Variants in SBNO2 observed in about 807,000 individuals in gnomAD.
The protein encoded by SBNO2 is strawberry notch homolog 2.
SBNO2 carries 89 observed loss-of-function variants against 146.3 expected under a neutral mutation model. The ratio of observed to expected loss-of-function variants is 0.61; its 90% CI spans 0.51 to 0.73. The LOEUF is 0.73. Ranked by LOEUF, SBNO2 falls within the 30% of genes least tolerant of loss-of-function variation. SBNO2 has a pLI of 0.00. For missense variants in SBNO2, 2,092 were observed against 2,003.7 expected (o/e 1.04, Z -0.84); for synonymous variants, 1,147 against 892.6 (o/e 1.29, Z -5.08).
intron 11 of SBNO2, among the ~76,000 whole-genome samples, chr19:1,120,332 T>C (rs1180206642): frequency 6.6e-6 from 1 of 152,200 alleles, no homozygotes; most frequent in Non-Finnish European, 1.5e-5. Flanking sequence ...TCGCAGGACG[T>C]TGCCATCGGA....
At chr19:1,152,173 G>C (rs1181677344) in intron 2 of SBNO2, among the ~76,000 whole-genome samples, 2 of 152,202 alleles carry the variant, frequency 1.3e-5, no homozygotes, top group Non-Finnish European at 2.9e-5. Flanking sequence ...CCTGTGGCTG[G>C]TGTCCAGTGC....
Position 1,108,242 on chromosome 19 carries a change from G to A in SBNO2, c.4079C>T (p.Pro1360Leu), listed in dbSNP as rs1255569969. The A allele has an allele frequency of 3.3e-6, 5 of 1,527,042 alleles. No homozygotes were observed. The highest frequency in any genetic ancestry group is 4.4e-6 in the Non-Finnish European group (5 of 1,135,316). The allele number at this position is 1,527,042 out of a possible 1,614,324, so 94.6% of individuals were successfully genotyped here. The change falls in exon 32 of 32, where the codon CCC (proline) becomes CTC (leucine). Residue 1360 changes from proline to leucine, a missense_variant. Pro to Leu is a moderately conservative substitution (Grantham distance 98, BLOSUM62 -3). Coordinates refer to ENST00000361757, the MANE Select transcript of SBNO2 (RefSeq NM_014963.3). The stretch of plus-strand genomic sequence containing the variant: ...GTGTCAGAGAGGAGCCTGGGCGCCG[G>A]GGAAGGGTGGGCTGAACTGGATCAC... The part of the protein sequence containing the change: ...QSVIQFSPPF[P>L]GAQAPL
intron 4 of SBNO2, among the ~76,000 whole-genome samples, chr19:1,143,411 G>A (rs2080158238): frequency 6.6e-6 from 1 of 152,186 alleles, no homozygotes; most frequent in African/African-American, 2.4e-5. Flanking sequence ...GGTGGAGGCT[G>A]CAGTGAGCCG....
intron 1 of SBNO2, among the ~76,000 whole-genome samples, chr19:1,165,770 C>A (rs557178243): frequency 1.5e-5 from 2 of 134,984 alleles, no homozygotes; most frequent in East Asian, 4.5e-4. Context: ...GACCCCAGAT[C>A]TCAGACCCCA....
At chr19:1,142,803 C>G (rs962369458) in intron 4 of SBNO2, among the ~76,000 whole-genome samples, 1 of 152,144 alleles carries the variant, frequency 6.6e-6, no homozygotes, top group African/African-American at 2.4e-5. Flanking sequence ...CCCATCTCTA[C>G]TAAAAATATA....
At chr19:1,125,326 T>C (rs1196701964) in intron 5 of SBNO2, among the ~76,000 whole-genome samples, 1 of 128,790 alleles carries the variant, frequency 7.8e-6, no homozygotes, top group Non-Finnish European at 1.5e-5. Flanking sequence ...GCCATTGTAC[T>C]CCAGCCTGGG....
Position 1,154,186 on chromosome 19 carries a change from G to C in SBNO2, c.91C>G (p.Gln31Glu), listed in dbSNP as rs781264194. Residue 31 changes from glutamine to glutamate, a missense_variant and splice_region_variant, in exon 2 of 32, where the codon CAG (glutamine) becomes GAG (glutamate). Gln to Glu is a conservative substitution (Grantham distance 29, BLOSUM62 2). Coordinates refer to ENST00000361757, the MANE Select transcript of SBNO2 (RefSeq NM_014963.3). The stretch of plus-strand genomic sequence containing the variant: ...CCGGGGCCGGGGGTGGGGCTCACCT[G>C]CAGGGGCGGCGGGCTGTACAGGAGG... ...GSLLYSPPPL[Q>E]SAMLHCPYWN... 1 of 1,236,990 alleles carries C rather than the reference G, an allele frequency of 8.1e-7. No individual in the cohort carries two copies. Among genetic ancestry groups the C allele is most frequent in the Non-Finnish European group, 1.0e-6 (1 of 988,340 alleles). 76.6% of individuals were successfully genotyped at this position (1,236,990 alleles called of 1,614,324 possible).
Position 1,147,439 on chromosome 19 carries a change from G to GGGGGGT in SBNO2, c.168-20_168-19insACCCCC. 1 of 1,265,270 alleles carries GGGGGGT rather than the reference G, an allele frequency of 7.9e-7. No homozygotes were observed. The highest frequency in any genetic ancestry group is 1.1e-6 in the Non-Finnish European group (1 of 922,486). The allele number at this position is 1,265,270 out of a possible 1,614,324, so 78.4% of individuals were successfully genotyped here. ...GAACGGGCTGGAGGGAGATGGGGGG[G>GGGGGGT]GGGGAGGTGAGATGGGGTGCTCAAC... On this transcript the variant is annotated intron_variant, in intron 3 of 31. Coordinates refer to ENST00000361757, the MANE Select transcript of SBNO2 (RefSeq NM_014963.3).
intron 2 of SBNO2, among the ~76,000 whole-genome samples, chr19:1,151,303 C>T (rs1316738969): frequency 2.1e-5 from 3 of 146,030 alleles, no homozygotes; most frequent in African/African-American, 5.0e-5. Flanking sequence ...AGGAAGGGGG[C>T]GGGGGGCTTG....
chr19:1,128,029 T>C (rs1416078385), intron 4 of SBNO2, among the ~76,000 whole-genome samples: 2 of 152,158 alleles, frequency 1.3e-5, no homozygotes, highest in African/African-American at 4.8e-5. Context: ...TTGGCCAGCC[T>C]GGTTTTGAAC....
intron 2 of SBNO2, among the ~76,000 whole-genome samples, chr19:1,151,950 A>G (rs920491346): frequency 3.3e-5 from 5 of 152,118 alleles, no homozygotes; most frequent in African/African-American, 9.7e-5. Context: ...GGCGTGAACC[A>G]TTGTGCTGGC....
In SBNO2 at chr19:1,134,255, C is replaced by T. The variant is rs566231905; in HGVS notation, c.280-6490G>A. On this transcript the variant is annotated intron_variant, in intron 4 of 31. Coordinates refer to ENST00000361757, the MANE Select transcript of SBNO2 (RefSeq NM_014963.3). ...CTACAGCTCACGGGTGGACTCACAGCTCATAGGCACCTGGACCCACAGCTC... is the reference window on the plus strand; with the variant it reads ...CTACAGCTCACGGGTGGACTCACAGTTCATAGGCACCTGGACCCACAGCTC... 2.6e-5 allele frequency among the ~76,000 whole-genome samples: 4 copies of T among 151,758 alleles called. No individual in the cohort carries two copies. The South Asian group carries it at 8.3e-4, about 32-fold the overall frequency.
intron 4 of SBNO2, chr19:1,132,409 G>C (rs1229194526): frequency 3.3e-6 from 2 of 601,998 alleles, no homozygotes; most frequent in Non-Finnish European, 4.2e-6. Flanking sequence ...TCTCCCACAG[G>C]CGCTGTCAAC....
chr19:1,123,550 G>A lies in SBNO2; in HGVS notation c.612C>T (p.Asp204=). Residue 204 remains aspartate, a synonymous_variant, in exon 7 of 32, where the codon GAC becomes GAT. Coordinates refer to ENST00000361757, the MANE Select transcript of SBNO2 (RefSeq NM_014963.3). The stretch of plus-strand genomic sequence containing the variant: ...GCCACTCACACTTGGACGGCACGTA[G>A]TCGGCGTAGGTCTCTGTGTGCCCCA... ...EELGHTETYA[D]YVPSKSKIGK... The A allele has an allele frequency of 6.2e-7, 1 of 1,613,496 alleles. No individual in the cohort carries two copies. The highest frequency in any genetic ancestry group is 8.5e-7 in the Non-Finnish European group (1 of 1,179,786).
At chr19:1,152,089 G>T (rs2080247577) in intron 2 of SBNO2, among the ~76,000 whole-genome samples, 2 of 152,222 alleles carry the variant, frequency 1.3e-5, no homozygotes, top group African/African-American at 4.8e-5. Flanking sequence ...CCGGAACAGG[G>T]AGGGTGGGAT....
intron 4 of SBNO2, among the ~76,000 whole-genome samples, chr19:1,143,650 C>T (rs182884758): frequency 8.5e-5 from 13 of 152,252 alleles, no homozygotes; most frequent in Admixed American, 8.5e-4. Context: ...GGCTTGGGGC[C>T]CCTTCTTCCC....
At chr19:1,124,246 T>C (rs563320124) in intron 5 of SBNO2, among the ~76,000 whole-genome samples, 45 of 152,290 alleles carry the variant, frequency 3.0e-4, no homozygotes, top group Middle Eastern at 6.8e-3. Context: ...GGCTCGCTCC[T>C]CCTGGCCAGC....
intron 2 of SBNO2, among the ~76,000 whole-genome samples, chr19:1,153,297 G>A (rs901431385): frequency 1.3e-5 from 2 of 150,616 alleles, no homozygotes; most frequent in African/African-American, 2.4e-5. Flanking sequence ...GAGTGCAGTG[G>A]TGCAATCTCT....
chr19:1,127,947 G>A (rs2079985657), intron 4 of SBNO2, among the ~76,000 whole-genome samples, 182 bp from the exon 5 acceptor site: 1 of 152,104 alleles, frequency 6.6e-6, no homozygotes, highest in Admixed American at 6.6e-5. Context: ...CCAAGTAGCA[G>A]GGATTACAGG....
Sources: gnomAD v4.1 joint callset for allele counts (sites outside exome capture counted in the v4.1 genomes callset) on GRCh38, gnomAD v4.1.1 for gene constraint, MANE v1.5 for transcripts, NCBI Gene and HGNC (gene_info 2026-07-23, HGNC 2026-07-21) for gene names.